Variants in CD36 observed in about 807,000 individuals in gnomAD.
CD36 encodes the protein platelet glycoprotein 4.
CD36 carries 119 observed loss-of-function variants against 55.2 expected under a neutral mutation model. The observed-to-expected ratio is 2.15, with a 90% CI of 1.86 to 2.51. The LOEUF (loss-of-function observed/expected upper bound fraction) is 2.51. Among genes scored for constraint, CD36 ranks in the 30% most tolerant of loss-of-function variants. CD36 has a pLI of 0.00. For missense variants in CD36, 819 were observed against 555.5 expected, an observed-to-expected ratio of 1.47 and a Z score of -4.77; for synonymous variants, 186 against 193.6, an observed-to-expected ratio of 0.96 and a Z score of 0.33.
upstream of CD36, among the ~76,000 whole-genome samples, chr7:80,637,821 A>AT (rs780249695): frequency 6.6e-6 from 1 of 151,996 alleles, no homozygotes; most frequent in Non-Finnish European, 1.5e-5. Context: ...GATTCTGAGA[A>AT]TTTCTTTATA....
intron 1 of CD36, among the ~76,000 whole-genome samples, chr7:80,609,695 T>C (rs548267789): frequency 3.9e-5 from 6 of 152,314 alleles, no homozygotes; most frequent in African/African-American, 1.4e-4. Flanking sequence ...AAAGCATGTA[T>C]AAATAAAACA....
At chr7:80,640,976 A>G (rs577902236) in intron 1 of CD36, among the ~76,000 whole-genome samples, 1 of 152,242 alleles carries the variant, frequency 6.6e-6, no homozygotes, top group South Asian at 2.1e-4. Context: ...AGATAATTTC[A>G]GTAAGATAAG....
intron 1 of CD36, among the ~76,000 whole-genome samples, chr7:80,643,753 C>T (rs746964315): frequency 5.3e-5 from 8 of 152,240 alleles, no homozygotes; most frequent in Non-Finnish European, 1.2e-4. Flanking sequence ...TCTCATTTTA[C>T]GCATGAGGAA....
intron 7 of CD36, among the ~76,000 whole-genome samples, chr7:80,664,777 A>AT (rs1387810796): frequency 6.7e-6 from 1 of 150,096 alleles, no homozygotes; most frequent in East Asian, 2.0e-4. Context: ...CAAAGGGACT[A>AT]TTTTTTCATC....
At chr7:80,673,217 A>G (rs566406300) in intron 12 of CD36, 138 bp from the exon 13 acceptor site, 47 of 545,888 alleles carry the variant, frequency 8.6e-5, no homozygotes, top group African/African-American at 7.3e-4. Context: ...AAAAACAACT[A>G]TATTAAAATT....
At chr7:80,626,692 A>G (rs1252418091) in intron 1 of CD36, among the ~76,000 whole-genome samples, 2 of 152,088 alleles carry the variant, frequency 1.3e-5, no homozygotes, top group African/African-American at 4.8e-5. Context: ...ATACCATGTA[A>G]TCTGATACAC....
At chr7:80,607,763 T>TTTG (rs796423379) in intron 1 of CD36, among the ~76,000 whole-genome samples, 2 of 151,880 alleles carry the variant, frequency 1.3e-5, no homozygotes, top group East Asian at 1.9e-4. Flanking sequence ...CTAAACTCTT[T>TTTG]TTGTTGTTGT....
At chr7:80,641,073 C>T (rs978430935) in intron 1 of CD36, among the ~76,000 whole-genome samples, 1 of 151,968 alleles carries the variant, frequency 6.6e-6, no homozygotes, top group African/African-American at 2.4e-5. Context: ...CCAAGTGAAG[C>T]GTGACTGGGA....
chr7:80,605,673 A>C (rs1011173964), intron 1 of CD36, among the ~76,000 whole-genome samples: 2 of 152,076 alleles, frequency 1.3e-5, no homozygotes, highest in African/African-American at 4.8e-5. Context: ...TGTAGTATGG[A>C]CTCTAAGCTT....
At chr7:80,662,556 C>A in intron 5 of CD36, 2 of 280,562 alleles carry the variant, frequency 7.1e-6, no homozygotes, top group South Asian at 4.4e-5. Flanking sequence ...TCACGTGTGG[C>A]TCCAGCGCCT....
At position 80,652,791 on chromosome 7, in the gene CD36, G is replaced by T. The variant is rs142801213; in HGVS notation, c.121-3749G>T. The stretch of plus-strand genomic sequence containing the variant: ...GAATGGAGAAGTAAATGGTATTAGA[G>T]TTCTTCCTCTAAAGGATGGATAGAA... On this transcript the variant is annotated intron_variant, in intron 3 of 14. Transcript: ENST00000447544. 2.2e-3 allele frequency among the ~76,000 whole-genome samples: 340 copies of T among 152,244 alleles called. 3 individuals carry two copies. The highest frequency in any genetic ancestry group is 7.9e-3 in the African/African-American group (329 of 41,558).
intron 3 of CD36, among the ~76,000 whole-genome samples, chr7:80,648,721 T>C (rs189337904): frequency 2.1e-4 from 32 of 152,180 alleles, no homozygotes; most frequent in Admixed American, 1.8e-3. Context: ...AATGCTGTAA[T>C]ACTTTGAAAG....
Position 80,664,385 on chromosome 7 carries a change from TTTCCCA to T in CD36, c.610-19_610-14del. 7.8e-7 allele frequency: 1 copy of T among 1,275,404 alleles called. No homozygotes were observed. Among genetic ancestry groups the T allele is most frequent in the South Asian group, 1.2e-5 (1 of 84,324 alleles). 79.0% of individuals were successfully genotyped at this position (1,275,404 alleles called of 1,614,324 possible). A position where few individuals can be genotyped will look rare whatever the true frequency, so the allele number is the denominator to read the frequency against. ...AAAAAATGACTTGTAGAAGTAACAT[TTTCCCA>T]TACATATATTTCAGTACAACAATAC... On this transcript the variant is annotated splice_polypyrimidine_tract_variant and intron_variant, in intron 6 of 14. Transcript: ENST00000447544.
upstream of CD36, among the ~76,000 whole-genome samples, chr7:80,636,046 A>C (rs371543410): frequency 6.6e-5 from 10 of 152,246 alleles, 1 homozygote; most frequent in East Asian, 1.9e-3. Flanking sequence ...TGAATTAAAC[A>C]GACAAGCATC....
At position 80,674,108 on chromosome 7, in the gene CD36, G is replaced by A; in HGVS notation, c.1380G>A (p.Met460Ile). Residue 460 changes from methionine (M) to isoleucine (I), a missense_variant, in exon 14 of 15, where the codon ATG becomes ATA. By Grantham distance (10) the Met-to-Ile change is conservative. Transcript: ENST00000447544. ...SVGVVMFVAF[M>I]ISYCACRSKT... The stretch of plus-strand genomic sequence containing the variant: ...GTGTGGTGATGTTTGTTGCTTTTAT[G>A]ATTTCATATTGTGCATGCAGATCGA... The A allele has an allele frequency of 1.9e-6, 3 of 1,612,412 alleles. No homozygotes were observed. The highest frequency in any genetic ancestry group is 2.5e-6 in the Non-Finnish European group (3 of 1,178,996).
At chr7:80,626,164 G>A (rs1481865074) in intron 1 of CD36, 2 of 151,974 alleles carry the variant, frequency 1.3e-5, no homozygotes, top group Admixed American at 6.6e-5. Flanking sequence ...GCTTGCTATG[G>A]CAACCCAATT....
At chr7:80,660,014 C>T (rs894752341) in intron 4 of CD36, among the ~76,000 whole-genome samples, 6 of 151,894 alleles carry the variant, frequency 4.0e-5, no homozygotes, top group Non-Finnish European at 8.8e-5. Context: ...ACTCATAAAC[C>T]CCTACCCTGT....
At chr7:80,628,936 T>C (rs1204966004) in intron 1 of CD36, among the ~76,000 whole-genome samples, 1 of 152,180 alleles carries the variant, frequency 6.6e-6, no homozygotes, top group East Asian at 1.9e-4. Flanking sequence ...GACTAGCTTC[T>C]CCAAAGAAGG....
At chr7:80,637,540 A>T (rs187899539), upstream of CD36, among the ~76,000 whole-genome samples, 165 of 152,042 alleles carry the variant, frequency 1.1e-3, 4 homozygotes, top group Admixed American at 3.3e-3. Context: ...TGGGGAAAAA[A>T]AATTCTTGAG....
Sources: allele counts gnomAD v4.1 joint callset (sites outside exome capture counted in the v4.1 genomes callset), GRCh38; gene constraint gnomAD v4.1.1; transcripts MANE v1.5; gene names NCBI Gene and HGNC (gene_info 2026-07-23, HGNC 2026-07-21).